The following SCHIP1 variants were observed in gnomAD, a reference collection of about 807,000 sequenced individuals.
SCHIP1 encodes schwannomin interacting protein 1.
Under a neutral mutation model 29.7 loss-of-function variants are expected in SCHIP1, and 8 were observed. That is an observed-to-expected ratio of 0.27 (90% CI 0.16 to 0.49). SCHIP1 has a LOEUF of 0.49. SCHIP1 is among the 20% of genes least tolerant of loss of function. SCHIP1 has a pLI of 0.99. For missense variants in SCHIP1, 193 were observed against 294.6 expected, an observed-to-expected ratio of 0.66 and a Z score of 2.52; for synonymous variants, 76 against 94.9, an observed-to-expected ratio of 0.80 and a Z score of 1.16.
At chr3:159,838,953 G>A (rs1203103209), upstream of SCHIP1, among the ~76,000 whole-genome samples, 1 of 150,712 alleles carries the variant, frequency 6.6e-6, no homozygotes, top group African/African-American at 2.4e-5. Context: ...CTAATTGCCT[G>A]TGGCAACTGA....
the SCHIP1 span, among the ~76,000 whole-genome samples, chr3:159,293,487 G>A: frequency 1.3e-5 from 2 of 151,978 alleles, no homozygotes; most frequent in Non-Finnish European, 2.9e-5. Flanking sequence ...AAGGTGGTAC[G>A]GAGGTCACAA....
chr3:159,598,649 T>A, the SCHIP1 span, among the ~76,000 whole-genome samples: 7 of 152,124 alleles, frequency 4.6e-5, no homozygotes, highest in Non-Finnish European at 1.5e-5. Context: ...TGGTGTTGAG[T>A]GCCTGCAGCT....
At chr3:159,423,002 C>G in the SCHIP1 span, among the ~76,000 whole-genome samples, 2 of 152,158 alleles carry the variant, frequency 1.3e-5, no homozygotes, top group Non-Finnish European at 2.9e-5. Flanking sequence ...TGTAAGTGAC[C>G]TGATTGTTCT....
the SCHIP1 span, chr3:159,768,360 A>T: frequency 6.6e-6 from 1 of 152,096 alleles, no homozygotes; most frequent in African/African-American, 2.4e-5. Context: ...ATGACATACT[A>T]TTGGGTTCTG....
the SCHIP1 span, among the ~76,000 whole-genome samples, chr3:159,587,803 C>CT: frequency 6.6e-6 from 1 of 152,114 alleles, no homozygotes; most frequent in African/African-American, 2.4e-5. Flanking sequence ...TGAACTCATC[C>CT]TTTTTTATGG....
the SCHIP1 span, among the ~76,000 whole-genome samples, chr3:159,522,976 G>A: frequency 3.9e-5 from 6 of 152,058 alleles, no homozygotes; most frequent in South Asian, 2.1e-4. Flanking sequence ...TCAAACATAC[G>A]CAAAAATAGG....
chr3:159,885,353 A>G (rs901113947), intron 2 of SCHIP1, among the ~76,000 whole-genome samples: 1 of 152,232 alleles, frequency 6.6e-6, no homozygotes, highest in Non-Finnish European at 1.5e-5. Flanking sequence ...AAAATGCTTT[A>G]TCACCAAACA....
At chr3:159,554,475 A>G in the SCHIP1 span, among the ~76,000 whole-genome samples, 7 of 152,246 alleles carry the variant, frequency 4.6e-5, no homozygotes, top group Non-Finnish European at 4.4e-5. Flanking sequence ...AATCGTATTA[A>G]CAAGGCTCCT....
the SCHIP1 span, among the ~76,000 whole-genome samples, chr3:159,572,949 T>TC: frequency 7.0e-6 from 1 of 143,276 alleles, no homozygotes; most frequent in Admixed American, 6.8e-5. Context: ...TTTTTTTTTT[T>TC]CTTTCCATTT....
chr3:159,719,414 A>T, the SCHIP1 span, among the ~76,000 whole-genome samples: 1 of 152,242 alleles, frequency 6.6e-6, no homozygotes, highest in Non-Finnish European at 1.5e-5. Context: ...GCTTCTCCAC[A>T]GCAAAAGAAA....
chr3:159,512,893 A>C, the SCHIP1 span, among the ~76,000 whole-genome samples: 2 of 152,142 alleles, frequency 1.3e-5, no homozygotes, highest in African/African-American at 4.8e-5. Flanking sequence ...TCTACTCTCT[A>C]TGAGTTCAAT....
At chr3:159,828,443 A>ACG in the SCHIP1 span, among the ~76,000 whole-genome samples, 32,566 of 100,286 alleles carry the variant, frequency 0.32, 7,002 homozygotes, top group East Asian at 0.75. Context: ...ATATATACGT[A>ACG]TATATATACG....
At chr3:159,783,828 A>G in the SCHIP1 span, among the ~76,000 whole-genome samples, 1 of 152,218 alleles carries the variant, frequency 6.6e-6, no homozygotes, top group Non-Finnish European at 1.5e-5. Context: ...ATAGTAAAAC[A>G]GAGGTCCCAG....
the SCHIP1 span, among the ~76,000 whole-genome samples, chr3:159,504,011 C>A: frequency 1.3e-5 from 2 of 152,128 alleles, no homozygotes; most frequent in Admixed American, 6.6e-5. Context: ...CTATGCTGCA[C>A]CAGAAGTTTA....
At chr3:159,652,067 G>A in the SCHIP1 span, among the ~76,000 whole-genome samples, 13 of 151,828 alleles carry the variant, frequency 8.6e-5, no homozygotes, top group East Asian at 2.5e-3. Flanking sequence ...CTGCACTCTA[G>A]CCTGATGGAG....
At chr3:159,553,952 C>A in the SCHIP1 span, among the ~76,000 whole-genome samples, 2 of 150,004 alleles carry the variant, frequency 1.3e-5, no homozygotes, top group African/African-American at 4.9e-5. Context: ...AGGCTCCTGA[C>A]ACCACGCCCA....
the SCHIP1 span, among the ~76,000 whole-genome samples, chr3:159,596,923 T>A: frequency 6.6e-6 from 1 of 151,696 alleles, no homozygotes; most frequent in South Asian, 2.1e-4. Context: ...GTTGTGCACA[T>A]GTGCCCTAGA....
At chr3:159,369,862 G>T in the SCHIP1 span, among the ~76,000 whole-genome samples, 1 of 152,078 alleles carries the variant, frequency 6.6e-6, no homozygotes, top group Non-Finnish European at 1.5e-5. Context: ...TCAATCAACT[G>T]GTCCTAGACA....
At chr3:159,393,057 T>C in the SCHIP1 span, among the ~76,000 whole-genome samples, 2 of 152,278 alleles carry the variant, frequency 1.3e-5, no homozygotes, top group Non-Finnish European at 2.9e-5. Context: ...ATTTCTCTGA[T>C]GGCCAGTGAT....
Sources: gnomAD v4.1 joint callset for allele counts (sites outside exome capture counted in the v4.1 genomes callset) on GRCh38, gnomAD v4.1.1 for gene constraint, MANE v1.5 for transcripts, NCBI Gene and HGNC (gene_info 2026-07-23, HGNC 2026-07-21) for gene names.